The following MYOM1 variants were observed in gnomAD, a reference collection of about 807,000 sequenced individuals.
MYOM1 encodes the protein myomesin-1.
Under a neutral mutation model 205.3 loss-of-function variants are expected in MYOM1, and 164 were observed. The observed-to-expected ratio is 0.80, with a 90% CI of 0.70 to 0.91. MYOM1 has a LOEUF of 0.91. MYOM1 is among the 40% of genes least tolerant of loss of function. The pLI, the probability that MYOM1 is intolerant of heterozygous loss-of-function variation, is 0.00. For synonymous variants in MYOM1, 772 were observed against 789.4 expected (o/e 0.98, Z 0.37); for missense variants, 2,011 against 2,127.3 (o/e 0.95, Z 1.08).
intron 25 of MYOM1, among the ~76,000 whole-genome samples, chr18:3,094,650 TTTTTTCTTTTTC>T (rs961834822): frequency 3.3e-5 from 5 of 151,730 alleles, no homozygotes; most frequent in Admixed American, 2.0e-4. Flanking sequence ...TTGGTTGGTG[TTTTTTCTTTTTC>T]TTTTTCTTTT....
intron 2 of MYOM1, among the ~76,000 whole-genome samples, chr18:3,204,679 T>G (rs2081108736): frequency 6.6e-6 from 1 of 151,992 alleles, no homozygotes; most frequent in Non-Finnish European, 1.5e-5. Flanking sequence ...ATGATCCTAA[T>G]CAAAATCCCA....
chr18:3,237,075 G>GA, the MYOM1 span, among the ~76,000 whole-genome samples: 5 of 151,472 alleles, frequency 3.3e-5, no homozygotes, highest in Admixed American at 2.0e-4. Flanking sequence ...GGAGTGGTCA[G>GA]AAAAAAAAGA....
intron 23 of MYOM1, 50 bp downstream of exon 23, chr18:3,102,424 T>C: frequency 6.6e-7 from 1 of 1,519,752 alleles, no homozygotes. Context: ...CTCACCTCAT[T>C]CTCCTACAGT....
At chr18:3,072,030 A>G in intron 36 of MYOM1, 141 bp from the exon 37 acceptor site, 1 of 757,546 alleles carries the variant, frequency 1.3e-6, no homozygotes, top group South Asian at 1.6e-5. Context: ...CATGCAAAAA[A>G]AGAAAATGAT....
At chr18:3,105,359 C>T (rs1315219104) in intron 22 of MYOM1, among the ~76,000 whole-genome samples, 2 of 152,072 alleles carry the variant, frequency 1.3e-5, no homozygotes, top group Non-Finnish European at 2.9e-5. Context: ...TATACTGCAT[C>T]CAAGAAGGAT....
rs962928242 is a variant in MYOM1, at chr18:3,134,634, C to T, written c.2384+16G>A. On this transcript the variant is annotated intron_variant, in intron 16 of 37. Transcript: ENST00000356443. ...TCCAGAGGCCATTGCCCGCCCTGCA[C>T]ACCCGACTGAGTTACCGTGAGCCCT... is the stretch of plus-strand genomic sequence containing the variant. 10 of 1,600,362 alleles carry T rather than the reference C, an allele frequency of 6.2e-6. No individual in the cohort carries two copies. The highest frequency in any genetic ancestry group is 2.7e-5 in the African/African-American group (2 of 74,686).
At chr18:3,194,446 G>A (rs1200983065) in intron 2 of MYOM1, among the ~76,000 whole-genome samples, 6 of 152,186 alleles carry the variant, frequency 3.9e-5, no homozygotes, top group Non-Finnish European at 8.8e-5. Flanking sequence ...TTGAAGGGAC[G>A]TGGGGCTTAT....
chr18:3,083,786 T>G lies in MYOM1; in HGVS notation c.4484+3A>C, dbSNP rs370435446. ...CACAGCAAGTAAGTTCTCATTTACT[T>G]ACTTGTGGGACCAGTTAACTTTCAA... On this transcript the variant is annotated splice_donor_region_variant and intron_variant, in intron 33 of 37. Coordinates refer to ENST00000356443, the MANE Select transcript of MYOM1 (RefSeq NM_003803.4). 3.8e-6 allele frequency: 6 copies of G among 1,560,610 alleles called. No homozygotes were observed. Among genetic ancestry groups the G allele is most frequent in the Non-Finnish European group, 5.2e-6 (6 of 1,150,922 alleles).
chr18:3,090,207 T>G (rs2079203753), intron 27 of MYOM1, among the ~76,000 whole-genome samples: 1 of 148,020 alleles, frequency 6.8e-6, no homozygotes, highest in Non-Finnish European at 1.5e-5. Flanking sequence ...AAGTATTAAC[T>G]GAAAACTGTA....
At chr18:3,112,494 C>T in intron 21 of MYOM1, 82 bp from the exon 22 acceptor site, 1 of 1,037,248 alleles carries the variant, frequency 9.6e-7, no homozygotes, top group South Asian at 1.8e-5. Flanking sequence ...GGGGCTCTTC[C>T]TCTGTAGTAA....
chr18:3,242,570 A>G, the MYOM1 span, among the ~76,000 whole-genome samples: 51 of 152,270 alleles, frequency 3.3e-4, no homozygotes, highest in Admixed American at 6.5e-4. Context: ...GGGCAGCGGC[A>G]TGATCTCGGC....
chr18:3,198,471 A>G (rs1211594206), intron 2 of MYOM1, among the ~76,000 whole-genome samples: 1 of 152,192 alleles, frequency 6.6e-6, no homozygotes, highest in Non-Finnish European at 1.5e-5. Context: ...AATTCAATAA[A>G]TGTTTACTGA....
intron 13 of MYOM1, 129 bp downstream of exon 13, chr18:3,149,016 C>A: frequency 1.3e-6 from 1 of 748,916 alleles, no homozygotes. Context: ...AAGTTATTTA[C>A]AATCTCCAGA....
At chr18:3,245,321 G>C in the MYOM1 span, among the ~76,000 whole-genome samples, 1 of 151,984 alleles carries the variant, frequency 6.6e-6, no homozygotes, top group Non-Finnish European at 1.5e-5. Context: ...GCTGCAGTGA[G>C]CTGTGATAGA....
chr18:3,230,593 G>A, the MYOM1 span, among the ~76,000 whole-genome samples: 1 of 152,156 alleles, frequency 6.6e-6, no homozygotes, highest in Non-Finnish European at 1.5e-5. Context: ...TGCATAGGGT[G>A]TAACTTTGTA....
chr18:3,216,173 C>T (rs1000697999), intron 1 of MYOM1, among the ~76,000 whole-genome samples: 1 of 152,196 alleles, frequency 6.6e-6, no homozygotes, highest in Non-Finnish European at 1.5e-5. Context: ...GTGGCTGAGG[C>T]AGGAGAATCA....
At chr18:3,149,071 G>T in intron 13 of MYOM1, 74 bp downstream of exon 13, 2 of 1,189,508 alleles carry the variant, frequency 1.7e-6, no homozygotes, top group Non-Finnish European at 2.5e-6. Context: ...AATACACACT[G>T]CACCCTCCAC....
chr18:3,202,613 A>G (rs72861632), intron 2 of MYOM1, among the ~76,000 whole-genome samples: 1,597 of 152,296 alleles, frequency 0.01, 13 homozygotes, highest in Non-Finnish European at 0.018. Flanking sequence ...TAAGAAAAGC[A>G]TAATTGTAAA....
At chr18:3,092,856 G>C (rs2079244872) in intron 26 of MYOM1, among the ~76,000 whole-genome samples, 1 of 152,170 alleles carries the variant, frequency 6.6e-6, no homozygotes, top group African/African-American at 2.4e-5. Context: ...AAACTTAAGA[G>C]AGCAGCTGCA....
Sources: gnomAD v4.1 joint callset for allele counts (sites outside exome capture counted in the v4.1 genomes callset) on GRCh38, gnomAD v4.1.1 for gene constraint, MANE v1.5 for transcripts, NCBI Gene and HGNC (gene_info 2026-07-23, HGNC 2026-07-21) for gene names.